The following SLC41A3 variants were observed in gnomAD, a reference collection of about 807,000 sequenced individuals.
SLC41A3 encodes SLC41A1-like 2.
A neutral mutation model predicts 45.4 loss-of-function variants in SLC41A3; 44 were observed. The observed-to-expected ratio is 0.97, with a 90% confidence interval of 0.76 to 1.25. The LOEUF (loss-of-function observed/expected upper bound fraction) is 1.25, where lower values mean the gene tolerates loss of function less well. SLC41A3 is among the 50% of genes most tolerant of loss of function. The pLI is 0.00. For missense variants in SLC41A3, 550 were observed against 600.6 expected, an observed-to-expected ratio of 0.92 and a Z score of 0.88; for synonymous variants, 256 against 252.4, an observed-to-expected ratio of 1.01 and a Z score of -0.13.
intron 4 of SLC41A3, among the ~76,000 whole-genome samples, chr3:126,029,382 C>A (rs917001904): frequency 1.5e-4 from 23 of 150,824 alleles, no homozygotes; most frequent in African/African-American, 5.6e-4. Context: ...CCCCACCACT[C>A]TCTTGCTCAT....
At chr3:126,093,392 A>G (rs1945528469) in intron 1 of SLC41A3, among the ~76,000 whole-genome samples, 1 of 152,230 alleles carries the variant, frequency 6.6e-6, no homozygotes, top group African/African-American at 2.4e-5. Flanking sequence ...CCTGGGCCCC[A>G]TTCCAAACCA....
intron 6 of SLC41A3, among the ~76,000 whole-genome samples, chr3:126,022,152 T>C (rs963811279): frequency 1.3e-5 from 2 of 152,200 alleles, no homozygotes; most frequent in Non-Finnish European, 2.9e-5. Flanking sequence ...CTTGCCTGTG[T>C]CTCTCATTTG....
chr3:126,062,404 C>T (rs1471530110), intron 2 of SLC41A3, among the ~76,000 whole-genome samples: 1 of 152,196 alleles, frequency 6.6e-6, no homozygotes, highest in African/African-American at 2.4e-5. Context: ...ATACCTTTTC[C>T]AGGCTCCCCA....
At chr3:126,040,779 G>A (rs951989340) in intron 3 of SLC41A3, among the ~76,000 whole-genome samples, 1 of 152,124 alleles carries the variant, frequency 6.6e-6, no homozygotes, top group African/African-American at 2.4e-5. Flanking sequence ...CTTTAGATTG[G>A]AGCCTCCTCT....
chr3:126,087,480 T>C (rs893204175), upstream of SLC41A3, among the ~76,000 whole-genome samples: 1 of 152,034 alleles, frequency 6.6e-6, no homozygotes. Context: ...TTAAAAATTA[T>C]AGAAAAACTT....
At chr3:126,042,724 C>T (rs535495678) in intron 3 of SLC41A3, among the ~76,000 whole-genome samples, 58 of 151,922 alleles carry the variant, frequency 3.8e-4, no homozygotes, top group African/African-American at 1.3e-3. Flanking sequence ...AAGAACCAAA[C>T]AGAAATACTG....
intron 1 of SLC41A3, among the ~76,000 whole-genome samples, chr3:126,069,384 A>C (rs1944509592): frequency 6.6e-6 from 1 of 152,160 alleles, no homozygotes; most frequent in Non-Finnish European, 1.5e-5. Context: ...GGAAATCTGT[A>C]ACCGGTCATC....
At chr3:126,065,869 A>G (rs909896572) in intron 2 of SLC41A3, among the ~76,000 whole-genome samples, 1 of 152,228 alleles carries the variant, frequency 6.6e-6, no homozygotes, top group African/African-American at 2.4e-5. Flanking sequence ...AAAACACCCC[A>G]TAGAAAAATG....
chr3:126,084,654 A>T (rs912996723), upstream of SLC41A3, among the ~76,000 whole-genome samples: 3 of 152,118 alleles, frequency 2.0e-5, no homozygotes, highest in Non-Finnish European at 4.4e-5. Flanking sequence ...CTATTTTTTT[A>T]AACATTCTCA....
At chr3:126,011,193 A>G (rs753953357) in intron 9 of SLC41A3, among the ~76,000 whole-genome samples, 2 of 152,214 alleles carry the variant, frequency 1.3e-5, no homozygotes, top group Non-Finnish European at 2.9e-5. Flanking sequence ...AAACAAAAAA[A>G]TAGAAAGTAT....
chr3:126,087,363 A>C (rs187688804), upstream of SLC41A3, among the ~76,000 whole-genome samples: 41 of 152,266 alleles, frequency 2.7e-4, no homozygotes, highest in African/African-American at 6.7e-4. Context: ...AGGTAAACAA[A>C]TAAATTAATC....
chr3:126,057,594 C>T (rs1377447302), intron 2 of SLC41A3, among the ~76,000 whole-genome samples: 2 of 152,178 alleles, frequency 1.3e-5, no homozygotes, highest in African/African-American at 4.8e-5. Context: ...CTAGTGGGCA[C>T]GTTACCTGGT....
chr3:126,086,742 A>G (rs555374978), upstream of SLC41A3, among the ~76,000 whole-genome samples: 1 of 152,266 alleles, frequency 6.6e-6, no homozygotes, highest in East Asian at 1.9e-4. Context: ...GTGATGAAAC[A>G]GGCTATCATG....
chr3:126,098,611 G>A (rs1945648002), intron 1 of SLC41A3, among the ~76,000 whole-genome samples: 2 of 152,266 alleles, frequency 1.3e-5, no homozygotes, highest in East Asian at 1.9e-4. Flanking sequence ...GGGGAGGTCT[G>A]AGGAATAGGG....
chr3:126,063,231 G>A (rs756511753), intron 2 of SLC41A3, among the ~76,000 whole-genome samples: 11 of 152,184 alleles, frequency 7.2e-5, no homozygotes, highest in African/African-American at 1.2e-4. Flanking sequence ...TCTGGCATAT[G>A]CCACCTGCAG....
chr3:126,059,291 A>AG (rs748196107), intron 2 of SLC41A3, among the ~76,000 whole-genome samples: 3 of 121,296 alleles, frequency 2.5e-5, no homozygotes, highest in Non-Finnish European at 5.4e-5. Context: ...AGAAAGAAAG[A>AG]AAGAAAGAAA....
intron 3 of SLC41A3, among the ~76,000 whole-genome samples, chr3:126,042,422 T>G (rs1170149491): frequency 6.6e-6 from 1 of 151,640 alleles, no homozygotes; most frequent in East Asian, 1.9e-4. Context: ...TGGTGAAGAT[T>G]TTTCCCTACA....
rs925361811 is a variant in SLC41A3 at position 126,023,077 on chromosome 3, C to A, written c.599-145G>T. The A allele has an allele frequency of 1.4e-5, 16 of 1,149,580 alleles. No homozygotes were observed. In the Admixed American group the frequency reaches 3.4e-4, roughly 25 times the overall value. The allele number at this position is 1,149,580 out of a possible 1,614,324, so 71.2% of individuals were successfully genotyped here. On this transcript the variant is annotated intron_variant, in intron 5 of 10. Coordinates refer to ENST00000360370, the MANE Select transcript of SLC41A3 (RefSeq NM_017836.4). ...CTGCTCATTAACTTGCCTCCCTCCA[C>A]AAAGTCCTTGACGTGAAGCCAGGCT... is the stretch of plus-strand genomic sequence containing the variant.
At chr3:126,064,417 G>A (rs1326788906) in intron 2 of SLC41A3, among the ~76,000 whole-genome samples, 1 of 152,104 alleles carries the variant, frequency 6.6e-6, no homozygotes, top group Admixed American at 6.5e-5. Flanking sequence ...ATCCCCTGCT[G>A]ACTCACTCTG....
Sources: allele counts gnomAD v4.1 joint callset (sites outside exome capture counted in the v4.1 genomes callset), GRCh38; gene constraint gnomAD v4.1.1; transcripts MANE v1.5; gene names NCBI Gene and HGNC (gene_info 2026-07-23, HGNC 2026-07-21).